Variants in CCDC175 observed in about 807,000 individuals in gnomAD.
The protein encoded by CCDC175 is coiled-coil domain containing 175.
In CCDC175, 100 loss-of-function variants were observed where a neutral mutation model predicts 114.6. That is an observed-to-expected ratio of 0.87 (90% CI 0.74 to 1.03). The LOEUF (loss-of-function observed/expected upper bound fraction) is 1.03, where lower values mean the gene tolerates loss of function less well. Among genes scored for constraint, CCDC175 ranks in the 50% least tolerant of loss-of-function variants. The pLI is 0.00. For synonymous variants in CCDC175, 306 were observed against 308.7 expected (o/e 0.99, Z 0.09); for missense variants, 880 against 917.8 (o/e 0.96, Z 0.53).
At chr14:59,548,050 C>T (rs1895223997) in intron 8 of CCDC175, among the ~76,000 whole-genome samples, 2 of 152,092 alleles carry the variant, frequency 1.3e-5, no homozygotes, top group Non-Finnish European at 2.9e-5. Flanking sequence ...TAGAATCAAC[C>T]TAGGTGTTCA....
At chr14:59,519,005 C>T (rs1893270827) in intron 17 of CCDC175, among the ~76,000 whole-genome samples, 1 of 152,172 alleles carries the variant, frequency 6.6e-6, no homozygotes, top group African/African-American at 2.4e-5. Flanking sequence ...ATGATGAGTT[C>T]ATGTCCTTTG....
intron 13 of CCDC175, among the ~76,000 whole-genome samples, chr14:59,537,399 A>C (rs891417120): frequency 1.3e-5 from 2 of 152,072 alleles, no homozygotes; most frequent in Admixed American, 6.6e-5. Context: ...CCTTCAAATA[A>C]AGCCCCTCTT....
Position 59,574,956 on chromosome 14 carries a change from G to C in CCDC175, c.230C>G (p.Ala77Gly), listed in dbSNP as rs1200680596. 1 of 1,489,052 alleles carries C rather than the reference G, an allele frequency of 6.7e-7. No homozygotes were observed. The highest frequency in any genetic ancestry group is 1.4e-5 in the African/African-American group (1 of 71,574). 92.2% of individuals were successfully genotyped at this position (1,489,052 alleles called of 1,614,324 possible). A position where few individuals can be genotyped will look rare whatever the true frequency, so the allele number is the denominator to read the frequency against. The change falls in exon 2 of 20, where the codon GCT becomes GGT. Residue 77 changes from alanine (A) to glycine (G), a missense_variant. Physicochemically the swap from Ala to Gly is moderately conservative, Grantham distance 60 (BLOSUM62 0). Coordinates refer to ENST00000537690, the MANE Select transcript of CCDC175 (RefSeq NM_001164399.2). ...AKIFLKDIAV[A>G]VKKLEEMRKA... is the part of the protein sequence containing the mutation. ...ATAATACAATACCAATTTCTTAACA[G>C]CTACAGCAATGTCCTTAAGAAAGAT...
chr14:59,558,606 G>A (rs189491809), intron 7 of CCDC175, among the ~76,000 whole-genome samples: 4 of 152,200 alleles, frequency 2.6e-5, no homozygotes, highest in East Asian at 3.9e-4. Context: ...GGTAAATGGC[G>A]GTGCCACATT....
intron 7 of CCDC175, among the ~76,000 whole-genome samples, chr14:59,554,952 T>C (rs1339478412): frequency 6.6e-6 from 1 of 152,040 alleles, no homozygotes; most frequent in Non-Finnish European, 1.5e-5. Flanking sequence ...AATAACAGGC[T>C]CTGAAAGTGA....
Position 59,545,359 on chromosome 14 carries a change from C to T in CCDC175, c.1036-60G>A, listed in dbSNP as rs1347602117. On this transcript the variant is annotated intron_variant, in intron 8 of 19. Transcript: ENST00000537690. ...GGCTTCACTGCTCCTCTGAGGCCAT[C>T]TGCATCAGGTGGCAACTCGGAGAGC... 2.0e-6 allele frequency: 3 copies of T among 1,486,044 alleles called. No homozygotes were observed. The East Asian group carries it at 7.4e-5, about 37-fold the overall frequency. 92.1% of individuals were successfully genotyped at this position (1,486,044 alleles called of 1,614,324 possible). A position where few individuals can be genotyped will look rare whatever the true frequency, so the allele number is the denominator to read the frequency against.
At chr14:59,541,970 T>C (rs917016660) in intron 10 of CCDC175, among the ~76,000 whole-genome samples, 3 of 152,234 alleles carry the variant, frequency 2.0e-5, no homozygotes, top group Non-Finnish European at 4.4e-5. Flanking sequence ...TTTAACAATA[T>C]GGGGACAACC....
At chr14:59,519,607 C>G (rs1893307963) in intron 17 of CCDC175, among the ~76,000 whole-genome samples, 2 of 152,158 alleles carry the variant, frequency 1.3e-5, no homozygotes, top group African/African-American at 4.8e-5. Flanking sequence ...GAAAACAACA[C>G]AAAGCAATGA....
chr14:59,573,941 C>T (rs1467181143), intron 2 of CCDC175, among the ~76,000 whole-genome samples: 2 of 152,124 alleles, frequency 1.3e-5, no homozygotes, highest in African/African-American at 2.4e-5. Flanking sequence ...AGAGATTTCA[C>T]GGCTCAGATA....
At chr14:59,555,599 T>A (rs1248704834) in intron 7 of CCDC175, among the ~76,000 whole-genome samples, 1 of 152,200 alleles carries the variant, frequency 6.6e-6, no homozygotes, top group Non-Finnish European at 1.5e-5. Flanking sequence ...AACATAGTGT[T>A]GGAAGTTCTA....
chr14:59,554,919 G>A (rs1895782832), intron 7 of CCDC175, among the ~76,000 whole-genome samples: 1 of 152,152 alleles, frequency 6.6e-6, no homozygotes, highest in Admixed American at 6.5e-5. Context: ...AAACCAGGAA[G>A]AAGTTGAATC....
intron 4 of CCDC175, 75 bp from the exon 5 acceptor site, chr14:59,565,350 C>T: frequency 6.0e-6 from 7 of 1,167,530 alleles, no homozygotes; most frequent in Non-Finnish European, 8.3e-6. Context: ...GTGAGAAGAG[C>T]CCTCAGCAAG....
At position 59,576,657 on chromosome 14, in the gene CCDC175, G is replaced by A. The variant is rs1002758049; in HGVS notation, c.119C>T (p.Ser40Leu). The A allele has an allele frequency of 4.1e-6, 6 of 1,476,382 alleles. No homozygotes were observed. The highest frequency in any genetic ancestry group is 2.8e-5 in the East Asian group (1 of 35,094). The allele number at this position is 1,476,382 out of a possible 1,614,324, so 91.5% of individuals were successfully genotyped here. A position where few individuals can be genotyped will look rare whatever the true frequency, so the allele number is the denominator to read the frequency against. Reference protein sequence around the residue: ...LCTLPSTLGSSVAVEALEQLF... With the variant: ...LCTLPSTLGSLVAVEALEQLF... ...CTGCTCCAGCGCCTCGACCGCGACC[G>A]AGGAGCCCAGGGTGGAGGGTAAGGT... The change falls in exon 1 of 20, where the codon TCG (serine) becomes TTG (leucine). Residue 40 changes from serine to leucine, a missense_variant. Ser to Leu is a moderately radical substitution (Grantham distance 145, BLOSUM62 -2). Transcript: ENST00000537690.
At chr14:59,544,259 T>C (rs1045870109) in intron 9 of CCDC175, among the ~76,000 whole-genome samples, 5 of 152,100 alleles carry the variant, frequency 3.3e-5, no homozygotes, top group Non-Finnish European at 7.4e-5. Context: ...CTCCGCCTCC[T>C]GGGTTGAAGC....
intron 7 of CCDC175, among the ~76,000 whole-genome samples, chr14:59,551,950 T>G (rs555740758): frequency 1.5e-4 from 23 of 152,266 alleles, no homozygotes; most frequent in African/African-American, 5.1e-4. Flanking sequence ...AAGGCTTGAA[T>G]AGGTAAACAA....
Position 59,521,768 on chromosome 14 carries a change from C to A in CCDC175, c.1996-92G>T. On this transcript the variant is annotated intron_variant, in intron 16 of 19. Transcript: ENST00000537690. ...ATTCAGCAAACATGTATAAATTCCTCCTCTGCGCCACCCACTATTCTAGGT... is the reference window on the plus strand; with the variant it reads ...ATTCAGCAAACATGTATAAATTCCTACTCTGCGCCACCCACTATTCTAGGT... 7.0e-6 allele frequency: 5 copies of A among 712,202 alleles called. No individual in the cohort carries two copies. The East Asian group carries it at 1.4e-4, about 20-fold the overall frequency. 44.1% of individuals were successfully genotyped at this position (712,202 alleles called of 1,614,324 possible).
chr14:59,569,626 C>T (rs970767633), intron 3 of CCDC175, among the ~76,000 whole-genome samples: 1 of 152,158 alleles, frequency 6.6e-6, no homozygotes, highest in Non-Finnish European at 1.5e-5. Flanking sequence ...CTTAATTCTA[C>T]CTTTGGTGTA....
At chr14:59,541,743 A>G (rs1420066193) in intron 10 of CCDC175, among the ~76,000 whole-genome samples, 1 of 152,210 alleles carries the variant, frequency 6.6e-6, no homozygotes, top group Non-Finnish European at 1.5e-5. Context: ...TAATATAAAA[A>G]AATCCTAAAT....
chr14:59,524,823 C>A (rs535479830), intron 16 of CCDC175, among the ~76,000 whole-genome samples: 2 of 152,244 alleles, frequency 1.3e-5, no homozygotes, highest in East Asian at 3.9e-4. Flanking sequence ...GAATATCCAT[C>A]AATAGTCGAG....
Sources: gnomAD v4.1 joint callset for allele counts (sites outside exome capture counted in the v4.1 genomes callset) on GRCh38, gnomAD v4.1.1 for gene constraint, MANE v1.5 for transcripts, NCBI Gene and HGNC (gene_info 2026-07-23, HGNC 2026-07-21) for gene names.